RAP1GDS1: variants seen among roughly 807,000 people sequenced by gnomAD.
The protein encoded by RAP1GDS1 is Rap1 GTPase-GDP dissociation stimulator 1.
A neutral mutation model predicts 71.1 loss-of-function variants in RAP1GDS1; 35 were observed. The observed-to-expected ratio is 0.49, with a 90% CI of 0.38 to 0.65. The LOEUF (loss-of-function observed/expected upper bound fraction) is 0.65, where lower values mean the gene tolerates loss of function less well. Among genes scored for constraint, RAP1GDS1 ranks in the 30% least tolerant of loss-of-function variants. RAP1GDS1 has a pLI of 0.00. For missense variants in RAP1GDS1, 663 were observed against 706.1 expected, an observed-to-expected ratio of 0.94 and a Z score of 0.69; for synonymous variants, 229 against 243.1, an observed-to-expected ratio of 0.94 and a Z score of 0.54.
intron 5 of RAP1GDS1, among the ~76,000 whole-genome samples, chr4:98,387,849 T>C (rs1053415158): frequency 3.9e-5 from 6 of 152,158 alleles, no homozygotes; most frequent in South Asian, 2.1e-4. Context: ...GGTGCTGATA[T>C]TCACTGAGGG....
chr4:98,371,376 A>C (rs745629772), intron 4 of RAP1GDS1, among the ~76,000 whole-genome samples: 1 of 151,560 alleles, frequency 6.6e-6, no homozygotes, highest in African/African-American at 2.4e-5. Context: ...AGCCTCCCCA[A>C]ATCCTGGGAT....
Position 98,384,453 on chromosome 4 carries a change from A to G in RAP1GDS1, c.508+5290A>G, listed in dbSNP as rs908186115. On this transcript the variant is annotated intron_variant, in intron 5 of 14. Coordinates refer to ENST00000408927, the MANE Select transcript of RAP1GDS1 (RefSeq NM_001100427.2). ...GTTTGCTGAAAAAGGTTGCTTTCAT[A>G]AAGTTCTACCACAAGTGTTATTTTA... 3.3e-5 allele frequency among the ~76,000 whole-genome samples: 5 copies of G among 151,828 alleles called. No homozygotes were observed. In the East Asian group the frequency reaches 9.6e-4, roughly 29 times the overall value.
Position 98,280,219 on chromosome 4 carries a change from C to T in RAP1GDS1, c.5-13189C>T, listed in dbSNP as rs575564061. ...ACAATGGTTGAACTAGTTTACAGTC[C>T]CACCAACAGTGTAAAAGCATTCTTA... On this transcript the variant is annotated intron_variant, in intron 1 of 14. Transcript: ENST00000408927. Among the ~76,000 whole-genome samples the T allele has an allele frequency of 2.6e-5, 4 of 152,264 alleles. No individual in the cohort carries two copies. The South Asian group carries it at 6.2e-4, about 24-fold the overall frequency.
chr4:98,438,694 G>A (rs1222487202), intron 14 of RAP1GDS1, among the ~76,000 whole-genome samples: 1 of 147,880 alleles, frequency 6.8e-6, no homozygotes, highest in African/African-American at 2.5e-5. Flanking sequence ...CAGGGTTCAA[G>A]TGATTCTCAT....
chr4:98,410,917 A>G (rs568112524), intron 7 of RAP1GDS1, among the ~76,000 whole-genome samples: 42 of 152,344 alleles, frequency 2.8e-4, no homozygotes, highest in Non-Finnish European at 3.8e-4. Flanking sequence ...TATCAGAAAC[A>G]GAAATGCAGA....
intron 3 of RAP1GDS1, 52 bp downstream of exon 3, chr4:98,343,313 C>G (rs1735766590): frequency 6.6e-7 from 1 of 1,524,980 alleles, no homozygotes; most frequent in Non-Finnish European, 9.1e-7. Flanking sequence ...AGTTTTACAT[C>G]TTACTTGTCA....
At chr4:98,399,425 C>G (rs983520085) in intron 6 of RAP1GDS1, among the ~76,000 whole-genome samples, 1 of 152,160 alleles carries the variant, frequency 6.6e-6, no homozygotes, top group African/African-American at 2.4e-5. Flanking sequence ...TCCCAAGTAG[C>G]TGGGACTACA....
intron 2 of RAP1GDS1, among the ~76,000 whole-genome samples, chr4:98,327,506 G>A (rs1377710768): frequency 6.6e-6 from 1 of 152,168 alleles, no homozygotes; most frequent in African/African-American, 2.4e-5. Flanking sequence ...GATAGTTTTT[G>A]TCAGGCATTT....
intron 6 of RAP1GDS1, among the ~76,000 whole-genome samples, chr4:98,399,629 A>G (rs1387112080): frequency 6.6e-6 from 1 of 152,194 alleles, no homozygotes; most frequent in Non-Finnish European, 1.5e-5. Context: ...TTATCTAAAC[A>G]GATACATCTC....
intron 1 of RAP1GDS1, among the ~76,000 whole-genome samples, chr4:98,284,839 T>C (rs951611465): frequency 6.6e-6 from 1 of 152,148 alleles, no homozygotes; most frequent in Non-Finnish European, 1.5e-5. Flanking sequence ...GTATCAGATT[T>C]CAGGTCAGAA....
chr4:98,287,409 A>G (rs1726205175), intron 1 of RAP1GDS1, among the ~76,000 whole-genome samples: 1 of 152,188 alleles, frequency 6.6e-6, no homozygotes, highest in Non-Finnish European at 1.5e-5. Context: ...ATAAGCCCTT[A>G]TATTTTATGA....
chr4:98,356,374 C>G (rs562718145), intron 4 of RAP1GDS1, among the ~76,000 whole-genome samples: 160 of 152,120 alleles, frequency 1.1e-3, no homozygotes, highest in Middle Eastern at 3.4e-3. Flanking sequence ...TGCTGATATA[C>G]TTAAATGGCC....
At chr4:98,436,218 T>A (rs1347480348) in intron 13 of RAP1GDS1, among the ~76,000 whole-genome samples, 1 of 152,162 alleles carries the variant, frequency 6.6e-6, no homozygotes, top group African/African-American at 2.4e-5. Context: ...TTTGTACCAT[T>A]GTCAAAAGTC....
At chr4:98,322,886 C>G (rs1732193832) in intron 2 of RAP1GDS1, among the ~76,000 whole-genome samples, 1 of 123,908 alleles carries the variant, frequency 8.1e-6, no homozygotes, top group Non-Finnish European at 1.5e-5. Flanking sequence ...CAAACACATT[C>G]AAAAGCTAGC....
intron 2 of RAP1GDS1, among the ~76,000 whole-genome samples, chr4:98,328,868 G>T (rs1291913342): frequency 6.6e-6 from 1 of 152,142 alleles, no homozygotes; most frequent in African/African-American, 2.4e-5. Flanking sequence ...ATCAATAATT[G>T]CCTGTAAGAA....
rs77322725 is a variant in RAP1GDS1 at position 98,435,306 on chromosome 4, G to T, written c.1567+1244G>T. Among the ~76,000 whole-genome samples the T allele has an allele frequency of 9.1e-3, 1,386 of 152,274 alleles. 22 individuals are homozygous for T. The highest frequency in any genetic ancestry group is 0.032 in the African/African-American group (1,316 of 41,554). On this transcript the variant is annotated intron_variant, in intron 13 of 14. Transcript: ENST00000408927. ...TAGTGTGTAATGATCAAGTCAAGGTGTATAGGATATCTGTCTCCTTGAATG... is the reference window on the plus strand; with the variant it reads ...TAGTGTGTAATGATCAAGTCAAGGTTTATAGGATATCTGTCTCCTTGAATG...
chr4:98,288,080 T>G (rs577460689), intron 1 of RAP1GDS1, among the ~76,000 whole-genome samples: 24 of 152,300 alleles, frequency 1.6e-4, no homozygotes, highest in African/African-American at 5.8e-4. Flanking sequence ...GTGCACAACA[T>G]GCAGGTTTGT....
At chr4:98,389,089 G>T (rs1177290035) in intron 5 of RAP1GDS1, among the ~76,000 whole-genome samples, 1 of 149,068 alleles carries the variant, frequency 6.7e-6, no homozygotes, top group Non-Finnish European at 1.5e-5. Flanking sequence ...TAAAATGCCA[G>T]CAGTTTTACC....
intron 11 of RAP1GDS1, among the ~76,000 whole-genome samples, chr4:98,420,864 G>C (rs1011245205): frequency 4.6e-5 from 7 of 152,140 alleles, no homozygotes; most frequent in African/African-American, 1.7e-4. Context: ...GACAGGGAGA[G>C]CATTTTTCTG....
Sources: gnomAD v4.1 joint callset for allele counts (sites outside exome capture counted in the v4.1 genomes callset) on GRCh38, gnomAD v4.1.1 for gene constraint, MANE v1.5 for transcripts, NCBI Gene and HGNC (gene_info 2026-07-23, HGNC 2026-07-21) for gene names.